The following MGAM variants were observed in gnomAD, a reference collection of about 807,000 sequenced individuals.
MGAM encodes maltase-glucoamylase.
Under a neutral mutation model 358.8 loss-of-function variants are expected in MGAM, and 253 were observed. That is an observed-to-expected ratio of 0.71 (90% CI 0.64 to 0.78). The LOEUF is 0.78. MGAM is among the 30% of genes least tolerant of loss of function. The pLI, the probability that MGAM is intolerant of heterozygous loss-of-function variation, is 0.00. For synonymous variants in MGAM, 1,105 were observed against 1,227.1 expected (o/e 0.90, Z 2.08); for missense variants, 3,080 against 3,432.6 (o/e 0.90, Z 2.57).
At chr7:142,063,112 C>T (rs548938398) in intron 35 of MGAM, among the ~76,000 whole-genome samples, 4 of 152,180 alleles carry the variant, frequency 2.6e-5, no homozygotes, top group East Asian at 1.9e-4. Context: ...GGAGGAGAAT[C>T]GCTTGAACAT....
At chr7:141,990,848 G>A (rs1391848093) in intron 2 of MGAM, among the ~76,000 whole-genome samples, 2 of 151,864 alleles carry the variant, frequency 1.3e-5, no homozygotes, top group Non-Finnish European at 1.5e-5. Context: ...TTTCCTTTTC[G>A]CCTTCCCTTC....
chr7:142,005,219 ATATAT>A (rs1805054249), intron 1 of MGAM, among the ~76,000 whole-genome samples: 1 of 152,110 alleles, frequency 6.6e-6, no homozygotes, highest in Admixed American at 6.6e-5. Context: ...TATTATAAAC[ATATAT>A]TAGGTATGAT....
rs544305672 is a variant in MGAM at position 142,019,407 on chromosome 7, T to C, written c.448+88T>C. The C allele has an allele frequency of 2.8e-4, 391 of 1,410,516 alleles. 1 individual carries two copies. The African/African-American group carries it at 4.9e-3, about 18-fold the overall frequency. 87.4% of individuals were successfully genotyped at this position (1,410,516 alleles called of 1,614,324 possible). On this transcript the variant is annotated intron_variant, in intron 4 of 70. Coordinates refer to ENST00000475668, the MANE Select transcript of MGAM (RefSeq NM_001365693.1). ...CCAGGGGCAGCCTGCAGAGTTCTGC[T>C]CTGTGGGGCCATATAACCACATGTG...
In MGAM at chr7:142,088,719, TTATG is replaced by T. The variant is rs1385970023; in HGVS notation, c.6810+2004_6810+2007del. Among the ~76,000 whole-genome samples the T allele has an allele frequency of 1.6e-3, 202 of 123,844 alleles. 3 individuals carry two copies. The South Asian group carries it at 0.018, about 11-fold the overall frequency. The allele number at this position is 123,844 out of a possible 152,430, so 81.2% of individuals were successfully genotyped here. ...CTATCCATCCAGCCACCCTATTCAT[TTATG>T]TCTGTCTGTCTGTCTGTCTGTCTGT... On this transcript the variant is annotated intron_variant, in intron 57 of 70. Transcript: ENST00000475668.
chr7:142,083,415 T>C lies in MGAM; in HGVS notation c.6381+2T>C. 2 of 1,533,316 alleles carry C rather than the reference T, an allele frequency of 1.3e-6. No homozygotes were observed. Among genetic ancestry groups the C allele is most frequent in the Non-Finnish European group, 1.8e-6 (2 of 1,116,096 alleles). The allele number at this position is 1,533,316 out of a possible 1,614,324, so 95.0% of individuals were successfully genotyped here. On this transcript the variant is annotated splice_donor_variant, in intron 53 of 70. Transcript: ENST00000475668. LOFTEE classifies it high-confidence loss of function. ...CTTGTCACCCAGCAGTACACTGAGGTAGGGAGAAATCCAATTGTTTATCAA... is the reference window on the plus strand; with the variant it reads ...CTTGTCACCCAGCAGTACACTGAGGCAGGGAGAAATCCAATTGTTTATCAA...
chr7:142,076,272 G>A lies in MGAM; in HGVS notation c.5325+20G>A, dbSNP rs1201633856. ...ACTCAAGTGAGTAGCATATTTTTAT[G>A]AATCTTAGGTGTGGGCTTTGGACTG... On this transcript the variant is annotated intron_variant, in intron 46 of 70. Transcript: ENST00000475668. 4 of 1,514,188 alleles carry A rather than the reference G, an allele frequency of 2.6e-6. 1 individual carries two copies. Among genetic ancestry groups the A allele is most frequent in the East Asian group, 2.3e-5 (1 of 43,760 alleles). The allele number at this position is 1,514,188 out of a possible 1,614,324, so 93.8% of individuals were successfully genotyped here. A position where few individuals can be genotyped will look rare whatever the true frequency, so the allele number is the denominator to read the frequency against.
rs766683713 is a variant in MGAM, at chr7:142,074,544, A to T, written c.5275+371A>T. Reference sequence around the variant, plus strand: ...TATAAAAATCATGCACCTGCCAGTGAGGCAGTGAGAATATACTGTTCTAGT... The same window carrying T: ...TATAAAAATCATGCACCTGCCAGTGTGGCAGTGAGAATATACTGTTCTAGT... On this transcript the variant is annotated intron_variant, in intron 45 of 70. Transcript: ENST00000475668. Among the ~76,000 whole-genome samples the T allele has an allele frequency of 1.4e-5, 2 of 146,156 alleles. 1 individual carries two copies. The highest frequency in any genetic ancestry group is 3.1e-5 in the Non-Finnish European group (2 of 64,608).
Position 142,056,111 on chromosome 7 carries a change from A to G in MGAM, c.3580+15A>G, listed in dbSNP as rs1218560547. ...CAATGCCATGGGTAAGGCCATCAGC[A>G]CCTCCCTTATTTTGGGGGGATACCA... On this transcript the variant is annotated intron_variant, in intron 29 of 70. Transcript: ENST00000475668. 4 of 1,585,990 alleles carry G rather than the reference A, an allele frequency of 2.5e-6. No individual in the cohort carries two copies. Among genetic ancestry groups the G allele is most frequent in the East Asian group, 2.3e-5 (1 of 43,954 alleles).
intron 30 of MGAM, among the ~76,000 whole-genome samples, chr7:142,057,596 G>T (rs1283693335): frequency 6.8e-6 from 1 of 146,652 alleles, no homozygotes; most frequent in African/African-American, 2.5e-5. Flanking sequence ...AATGATAATG[G>T]TAATGGTGGT....
chr7:142,101,438 A>G (rs915413499), intron 68 of MGAM, among the ~76,000 whole-genome samples: 2 of 151,282 alleles, frequency 1.3e-5, no homozygotes, highest in Non-Finnish European at 2.9e-5. Flanking sequence ...ATATGAGGCT[A>G]TCGAGCATTT....
chr7:142,059,467 C>T lies in MGAM; in HGVS notation c.3820-5C>T, dbSNP rs751079797. The T allele has an allele frequency of 1.2e-5, 20 of 1,605,422 alleles. No homozygotes were observed. The highest frequency in any genetic ancestry group is 5.4e-5 in the African/African-American group (4 of 74,758). ...AGCCTCTCAGCTCCCCATGTCCTCC[C>T]GCAGGATGTGCAGTACTCAGACATC... On this transcript the variant is annotated splice_polypyrimidine_tract_variant and splice_region_variant and intron_variant, in intron 31 of 70. Transcript: ENST00000475668.
Position 142,070,854 on chromosome 7 carries a change from A to C in MGAM, c.5062-140A>C, listed in dbSNP as rs1345135907. The C allele has an allele frequency of 4.2e-5, 49 of 1,167,648 alleles. 3 individuals carry two copies. The highest frequency in any genetic ancestry group is 5.9e-5 in the Non-Finnish European group (48 of 820,434). The allele number at this position is 1,167,648 out of a possible 1,614,324, so 72.3% of individuals were successfully genotyped here. ...TTTATGCAGCACTGTGCGAATGCAG[A>C]ATGGGTAATAGCAGGTATGTTGCAA... On this transcript the variant is annotated intron_variant, in intron 43 of 70. Transcript: ENST00000475668.
In MGAM at chr7:142,088,872, A is replaced by T. The variant is rs1273600476; in HGVS notation, c.6810+2155A>T. On this transcript the variant is annotated intron_variant, in intron 57 of 70. Transcript: ENST00000475668. ...ATCTATCTATCTATCTATCTATCTAATCTATCTCCACCTCTATTCATCCAC... is the reference window on the plus strand; with the variant it reads ...ATCTATCTATCTATCTATCTATCTATTCTATCTCCACCTCTATTCATCCAC... Among the ~76,000 whole-genome samples, 2 of 110,264 alleles carry T rather than the reference A, an allele frequency of 1.8e-5. 1 individual carries two copies. Among genetic ancestry groups the T allele is most frequent in the Non-Finnish European group, 4.0e-5 (2 of 49,966 alleles). The allele number at this position is 110,264 out of a possible 152,430, so 72.3% of individuals were successfully genotyped here. A position where few individuals can be genotyped will look rare whatever the true frequency, so the allele number is the denominator to read the frequency against.
Position 142,078,362 on chromosome 7 carries a change from C to T in MGAM, c.5538C>T (p.Tyr1846=). 6.6e-7 allele frequency: 1 copy of T among 1,511,004 alleles called. No individual in the cohort carries two copies. Among genetic ancestry groups the T allele is most frequent in the South Asian group, 1.2e-5 (1 of 83,818 alleles). 93.6% of individuals were successfully genotyped at this position (1,511,004 alleles called of 1,614,324 possible). A position where few individuals can be genotyped will look rare whatever the true frequency, so the allele number is the denominator to read the frequency against. Residue 1846 remains tyrosine (Y), a synonymous_variant, in exon 48 of 71, where the codon TAC becomes TAT. Transcript: ENST00000475668. ...TDINLFLGEA[Y]TVEWSIKIRD... is the part of the protein sequence containing the mutation. ...TCAATCTTTTCCTGGGAGAAGCATA[C>T]ACAGTGGAGTGGAGCATAAAGATAA...
chr7:142,015,389 C>A (rs782274846), intron 3 of MGAM, among the ~76,000 whole-genome samples: 1 of 151,946 alleles, frequency 6.6e-6, no homozygotes, highest in Non-Finnish European at 1.5e-5. Flanking sequence ...TCAAGCCTAT[C>A]AACAATTGTG....
At position 142,088,925 on chromosome 7, in the gene MGAM, TG is replaced by T. The variant is rs1388152644; in HGVS notation, c.6810+2209del. On this transcript the variant is annotated intron_variant, in intron 57 of 70. Coordinates refer to ENST00000475668, the MANE Select transcript of MGAM (RefSeq NM_001365693.1). ...ACCCTATCTATCCAAATCCCTCTTC[TG>T]TCTATCATTTATCTACCTATTTATA... 6.9e-4 allele frequency among the ~76,000 whole-genome samples: 100 copies of T among 144,188 alleles called. 2 individuals carry two copies. The highest frequency in any genetic ancestry group is 2.4e-3 in the African/African-American group (96 of 40,836). The allele number at this position is 144,188 out of a possible 152,430, so 94.6% of individuals were successfully genotyped here. A position where few individuals can be genotyped will look rare whatever the true frequency, so the allele number is the denominator to read the frequency against.
intron 16 of MGAM, 63 bp from the exon 17 acceptor site, chr7:142,036,106 G>T: frequency 8.0e-7 from 1 of 1,242,900 alleles, no homozygotes; most frequent in Non-Finnish European, 1.2e-6. Context: ...GGTCCCTGGT[G>T]GAAAGCAAAG....
intron 62 of MGAM, 30 bp downstream of exon 62, chr7:142,094,684 C>T: frequency 1.2e-6 from 2 of 1,612,462 alleles, no homozygotes; most frequent in Non-Finnish European, 1.7e-6. Context: ...TCCTAAGCAC[C>T]AAGAAGGTGG....
At chr7:142,061,979 G>C (rs965481021) in intron 34 of MGAM, among the ~76,000 whole-genome samples, 2 of 152,200 alleles carry the variant, frequency 1.3e-5, no homozygotes, top group African/African-American at 4.8e-5. Context: ...TTTATTATGT[G>C]AGGGTAGAGG....
Sources: allele counts gnomAD v4.1 joint callset (sites outside exome capture counted in the v4.1 genomes callset), GRCh38; gene constraint gnomAD v4.1.1; transcripts MANE v1.5; gene names NCBI Gene and HGNC (gene_info 2026-07-23, HGNC 2026-07-21).